The following TNR variants were observed in gnomAD, a reference collection of about 807,000 sequenced individuals.
TNR encodes the protein tenascin R, also known as tenascin-R.
TNR carries 45 observed loss-of-function variants against 150.4 expected under a neutral mutation model. That is an observed-to-expected ratio of 0.30 (90% confidence interval 0.24 to 0.38). TNR has a LOEUF of 0.38. Ranked by LOEUF, TNR falls within the 10% of genes least tolerant of loss-of-function variation. TNR has a pLI of 1.00. For missense variants in TNR, 1,544 were observed against 1,759.1 expected, an observed-to-expected ratio of 0.88 and a Z score of 2.19; for synonymous variants, 687 against 678.4, an observed-to-expected ratio of 1.01 and a Z score of -0.20.
At chr1:175,561,520 G>A (rs1661427127) in intron 1 of TNR, among the ~76,000 whole-genome samples, 2 of 152,204 alleles carry the variant, frequency 1.3e-5, no homozygotes, top group Admixed American at 6.5e-5. Flanking sequence ...ATGGATGCAA[G>A]AGGCTTTTCA....
chr1:175,536,827 T>C (rs1206814331), intron 1 of TNR, among the ~76,000 whole-genome samples: 2 of 152,176 alleles, frequency 1.3e-5, no homozygotes, highest in African/African-American at 2.4e-5. Flanking sequence ...GCAAATATTA[T>C]AGAAATTCAG....
chr1:175,376,860 T>TATATA (rs1553211469), intron 9 of TNR, among the ~76,000 whole-genome samples: 11,021 of 113,558 alleles, frequency 0.097, 533 homozygotes, highest in Non-Finnish European at 0.14. Flanking sequence ...AAATGTAATA[T>TATATA]TATATATATA....
chr1:175,365,850 G>T, intron 11 of TNR, 25 bp downstream of exon 11: 1 of 1,604,306 alleles, frequency 6.2e-7, no homozygotes, highest in Non-Finnish European at 8.5e-7. Flanking sequence ...CCTGAACCTG[G>T]CTGGGATTTC....
At position 175,729,628 on chromosome 1, in the gene TNR, A is replaced by G. The variant is rs190548965; in HGVS notation, c.-165+13598T>C. Among the ~76,000 whole-genome samples the G allele has an allele frequency of 1.4e-3, 210 of 151,938 alleles. 3 individuals carry two copies. Among genetic ancestry groups the G allele is most frequent in the African/African-American group, 4.9e-3 (201 of 41,420 alleles). The stretch of plus-strand genomic sequence containing the variant: ...TCCCTCCCTCCCTTCCTTTTCTTTC[A>G]TTCATTTATTTCTGTATCTCTCATT... On this transcript the variant is annotated intron_variant, in intron 1 of 22. Coordinates refer to ENST00000367674, the MANE Select transcript of TNR (RefSeq NM_003285.3).
chr1:175,495,566 A>G (rs1470265633), intron 2 of TNR, among the ~76,000 whole-genome samples: 1 of 152,212 alleles, frequency 6.6e-6, no homozygotes, highest in Non-Finnish European at 1.5e-5. Flanking sequence ...TTTCCTTTCT[A>G]TAATACCCCC....
intron 2 of TNR, among the ~76,000 whole-genome samples, chr1:175,490,850 C>T (rs1658216790): frequency 6.6e-6 from 1 of 152,090 alleles, no homozygotes; most frequent in Admixed American, 6.5e-5. Context: ...ACCATTTGAC[C>T]CAATAATCTC....
intron 2 of TNR, among the ~76,000 whole-genome samples, chr1:175,416,303 C>A (rs1654444295): frequency 6.6e-6 from 1 of 152,100 alleles, no homozygotes; most frequent in Admixed American, 6.5e-5. Flanking sequence ...TAAGTTAGAG[C>A]CAGACTAAGT....
At chr1:175,562,517 C>T (rs1054941047) in intron 1 of TNR, among the ~76,000 whole-genome samples, 2 of 152,180 alleles carry the variant, frequency 1.3e-5, no homozygotes, top group African/African-American at 4.8e-5. Flanking sequence ...GGGAGCTGAA[C>T]CATTGGCAGG....
Position 175,378,571 on chromosome 1 carries a change from G to A in TNR, c.1963+981C>T, listed in dbSNP as rs370639493. The stretch of plus-strand genomic sequence containing the variant: ...TTGACCACTAAAGCTCCCTAAAGTG[G>A]GGAGTAACCTGGGAGTGGAAAGGGA... On this transcript the variant is annotated intron_variant, in intron 9 of 22. Coordinates refer to ENST00000367674, the MANE Select transcript of TNR (RefSeq NM_003285.3). 7.9e-5 allele frequency among the ~76,000 whole-genome samples: 12 copies of A among 152,352 alleles called. No individual in the cohort carries two copies. In the East Asian group the frequency reaches 2.3e-3, roughly 29 times the overall value.
At chr1:175,382,301 T>G (rs903933513) in intron 8 of TNR, among the ~76,000 whole-genome samples, 2 of 152,174 alleles carry the variant, frequency 1.3e-5, no homozygotes, top group East Asian at 1.9e-4. Flanking sequence ...AGAAAAGTCT[T>G]GTTAAATATT....
intron 1 of TNR, among the ~76,000 whole-genome samples, chr1:175,553,200 G>T (rs1661012189): frequency 6.6e-6 from 1 of 152,170 alleles, no homozygotes; most frequent in Non-Finnish European, 1.5e-5. Flanking sequence ...AAGTGGTGGG[G>T]ATGAAACACA....
intron 1 of TNR, among the ~76,000 whole-genome samples, chr1:175,677,330 C>T (rs1273214649): frequency 6.6e-6 from 1 of 152,144 alleles, no homozygotes; most frequent in Non-Finnish European, 1.5e-5. Context: ...CTTAGATTTC[C>T]CTCCATTGCC....
chr1:175,399,149 C>A lies in TNR; in HGVS notation c.977-2342G>T, dbSNP rs79128286. On this transcript the variant is annotated intron_variant, in intron 4 of 22. Transcript: ENST00000367674. The stretch of plus-strand genomic sequence containing the variant: ...GTGTGATCTCTAGACTGGTGCTCAT[C>A]CTACAGGTAAGAAAATTCTTTTTAA... 5.0e-3 allele frequency among the ~76,000 whole-genome samples: 769 copies of A among 152,286 alleles called. 31 individuals carry two copies. In the East Asian group the frequency reaches 0.091, roughly 18 times the overall value.
intron 2 of TNR, among the ~76,000 whole-genome samples, chr1:175,498,870 T>C (rs969766700): frequency 6.6e-6 from 1 of 152,220 alleles, no homozygotes; most frequent in South Asian, 2.1e-4. Context: ...ATTAATAATA[T>C]GCGCTATGTT....
chr1:175,517,161 A>T (rs117539269), intron 2 of TNR, among the ~76,000 whole-genome samples: 2 of 152,036 alleles, frequency 1.3e-5, no homozygotes, highest in Non-Finnish European at 2.9e-5. Flanking sequence ...TTTTCTGGAC[A>T]CTTTCCCCTA....
At position 175,708,137 on chromosome 1, in the gene TNR, C is replaced by A. The variant is rs145386962; in HGVS notation, c.-165+35089G>T. Among the ~76,000 whole-genome samples, 21 of 151,778 alleles carry A rather than the reference C, an allele frequency of 1.4e-4. No individual in the cohort carries two copies. In the East Asian group the frequency reaches 3.9e-3, roughly 28 times the overall value. The stretch of plus-strand genomic sequence containing the variant: ...TTAGCACAGCATAACTTATTACTTG[C>A]CATTTACAGAGAGTCAGTAACATAG... On this transcript the variant is annotated intron_variant, in intron 1 of 22. Transcript: ENST00000367674.
chr1:175,641,173 A>G (rs1192307038), intron 1 of TNR, among the ~76,000 whole-genome samples: 2 of 152,246 alleles, frequency 1.3e-5, no homozygotes, highest in African/African-American at 4.8e-5. Flanking sequence ...AAAACAACGC[A>G]TCTTAAAATG....
At chr1:175,658,788 AT>A (rs1239936881) in intron 1 of TNR, among the ~76,000 whole-genome samples, 1 of 152,182 alleles carries the variant, frequency 6.6e-6, no homozygotes, top group Non-Finnish European at 1.5e-5. Context: ...AGAAGACAGA[AT>A]TTCTCCTTTC....
chr1:175,706,015 G>A (rs1351871038), intron 1 of TNR, among the ~76,000 whole-genome samples: 1 of 152,132 alleles, frequency 6.6e-6, no homozygotes, highest in Non-Finnish European at 1.5e-5. Context: ...ACAACAAGGG[G>A]AAGTCCACTT....
Sources: gnomAD v4.1 joint callset for allele counts (sites outside exome capture counted in the v4.1 genomes callset) on GRCh38, gnomAD v4.1.1 for gene constraint, MANE v1.5 for transcripts, NCBI Gene and HGNC (gene_info 2026-07-23, HGNC 2026-07-21) for gene names.